Variants in DUSP19 observed in about 807,000 individuals in gnomAD.
DUSP19 encodes dual specificity phosphatase 19.
A neutral mutation model predicts 16.6 loss-of-function variants in DUSP19; 14 were observed. The observed-to-expected ratio is 0.84, with a 90% CI of 0.56 to 1.32. The LOEUF (loss-of-function observed/expected upper bound fraction) is 1.32. Among genes scored for constraint, DUSP19 ranks in the 40% most tolerant of loss-of-function variants. The pLI, the probability that DUSP19 is intolerant of heterozygous loss-of-function variation, is 0.00. For synonymous variants in DUSP19, 81 were observed against 90.5 expected (o/e 0.90, Z 0.59); for missense variants, 258 against 255.9 (o/e 1.01, Z -0.06).
At position 183,099,134 on chromosome 2, in the gene DUSP19, A is replaced by T. The variant is rs965585389; in HGVS notation, c.*3476A>T. 3 of 152,074 alleles carry T rather than the reference A, an allele frequency of 2.0e-5. No homozygotes were observed. Among genetic ancestry groups the T allele is most frequent in the African/African-American group, 4.8e-5 (2 of 41,390 alleles). The allele number at this position is 152,074 out of a possible 1,614,324, so 9.4% of individuals were successfully genotyped here. On this transcript the variant is annotated 3_prime_UTR_variant, in exon 4 of 4. Transcript: ENST00000354221. The stretch of plus-strand genomic sequence containing the variant: ...GTCAGCATGATTATTTGTAACTCAG[A>T]TTGTTCAAATGTATATAGAAGGTCC...
chr2:183,088,430 G>A (rs528071057), intron 3 of DUSP19, among the ~76,000 whole-genome samples: 2 of 107,040 alleles, frequency 1.9e-5, no homozygotes, highest in African/African-American at 3.6e-5. Context: ...TTTTTGAGAT[G>A]CAGTCTCACT....
At chr2:183,083,190 A>G (rs751288221) in intron 1 of DUSP19, among the ~76,000 whole-genome samples, 31 of 152,094 alleles carry the variant, frequency 2.0e-4, no homozygotes, top group Non-Finnish European at 4.0e-4. Context: ...TTTTTTATTT[A>G]ATGCAACAGC....
chr2:183,083,707 C>T (rs916819816), intron 2 of DUSP19, among the ~76,000 whole-genome samples, 153 bp downstream of exon 2: 9 of 152,180 alleles, frequency 5.9e-5, no homozygotes, highest in African/African-American at 2.2e-4. Context: ...ATAATTGGCA[C>T]ATAATTCAAA....
rs1047760748 is a variant in DUSP19, at chr2:183,099,490, G to A, written c.*3832G>A. 6.6e-6 allele frequency: 1 copy of A among 152,084 alleles called. No homozygotes were observed. Among genetic ancestry groups the A allele is most frequent in the Admixed American group, 6.5e-5 (1 of 15,270 alleles). 9.4% of individuals were successfully genotyped at this position (152,084 alleles called of 1,614,324 possible). On this transcript the variant is annotated 3_prime_UTR_variant, in exon 4 of 4. Transcript: ENST00000354221. ...AAACTTATGGTTTGTTTCAATTGAT[G>A]CACACAAAAAATAACTTATAGTTAG...
chr2:183,088,737 T>C (rs2705736), intron 3 of DUSP19, among the ~76,000 whole-genome samples: 150,301 of 152,294 alleles, frequency 0.99, 74,199 homozygotes, highest in Middle Eastern at 1. Flanking sequence ...GAGAGGTTTT[T>C]TAATTCAAAG....
chr2:183,088,396 T>TG (rs1293062631), intron 3 of DUSP19, among the ~76,000 whole-genome samples: 7 of 145,986 alleles, frequency 4.8e-5, no homozygotes, highest in South Asian at 2.2e-4. Context: ...TTGTTTTTTG[T>TG]GTTTTTTTTT....
rs949929283 is a variant in DUSP19 at position 183,099,310 on chromosome 2, A to G, written c.*3652A>G. ...AAAACAACAGAAATGTGGCATGATT[A>G]CTTATTTATTTGTTCCAGGTGACTC... On this transcript the variant is annotated 3_prime_UTR_variant, in exon 4 of 4. Transcript: ENST00000354221. The G allele has an allele frequency of 6.6e-6, 1 of 152,194 alleles. No homozygotes were observed. Among genetic ancestry groups the G allele is most frequent in the Non-Finnish European group, 1.5e-5 (1 of 68,024 alleles). The allele number at this position is 152,194 out of a possible 1,614,324, so 9.4% of individuals were successfully genotyped here.
At position 183,095,419 on chromosome 2, in the gene DUSP19, T is replaced by G. The variant is rs186460064; in HGVS notation, c.427-12T>G. ...GAATAATGAAGATTTTTGTTTGTTTTTTTTTTTGTAGGATGGAGTGGTTCT... is the reference window on the plus strand; with the variant it reads ...GAATAATGAAGATTTTTGTTTGTTTGTTTTTTTGTAGGATGGAGTGGTTCT... On this transcript the variant is annotated splice_polypyrimidine_tract_variant and intron_variant, in intron 3 of 3. Transcript: ENST00000354221. 10,914 of 1,572,602 alleles carry G rather than the reference T, an allele frequency of 6.9e-3. 55 individuals are homozygous for G. The highest frequency in any genetic ancestry group is 8.6e-3 in the Non-Finnish European group (9,980 of 1,162,344).
chr2:183,085,862 T>TG (rs1375601967), intron 2 of DUSP19, among the ~76,000 whole-genome samples: 3 of 120,056 alleles, frequency 2.5e-5, no homozygotes, highest in Non-Finnish European at 5.4e-5. Context: ...TTTTTTTTTT[T>TG]TTTTTTTTTT....
chr2:183,079,403 G>A (rs113873861), intron 1 of DUSP19, among the ~76,000 whole-genome samples: 58 of 151,994 alleles, frequency 3.8e-4, no homozygotes, highest in Non-Finnish European at 7.1e-4. Context: ...TTTTAGAAAA[G>A]CTTTCTTCCC....
In DUSP19 at chr2:183,083,689, G is replaced by A; in HGVS notation, c.273+135G>A. On this transcript the variant is annotated intron_variant, in intron 2 of 3. Transcript: ENST00000354221. The stretch of plus-strand genomic sequence containing the variant: ...ACATTTTGGCTATCATTTCAATAGA[G>A]TTGAAAAATAATTGGCACATAATTC... 4.8e-6 allele frequency: 3 copies of A among 625,722 alleles called. 1 individual carries two copies. Among genetic ancestry groups the A allele is most frequent in the Non-Finnish European group, 2.5e-6 (1 of 393,042 alleles). The allele number at this position is 625,722 out of a possible 1,614,324, so 38.8% of individuals were successfully genotyped here.
chr2:183,079,506 ATGTT>A (rs1699565315), intron 1 of DUSP19, among the ~76,000 whole-genome samples: 2 of 152,332 alleles, frequency 1.3e-5, no homozygotes, highest in South Asian at 2.1e-4. Flanking sequence ...TGAAAAAAGA[ATGTT>A]TGTATCAGGC....
In DUSP19 at chr2:183,095,845, CTTTG is replaced by C; in HGVS notation, c.*190_*193del. 2.4e-6 allele frequency: 1 copy of C among 418,474 alleles called. No individual in the cohort carries two copies. 25.9% of individuals were successfully genotyped at this position (418,474 alleles called of 1,614,324 possible). On this transcript the variant is annotated 3_prime_UTR_variant, in exon 4 of 4. Coordinates refer to ENST00000354221, the MANE Select transcript of DUSP19 (RefSeq NM_080876.4). ...TAAATTTCAAATGTCATTACTTTCTCTTTGTTATTATAATGTGTGATTAAATGCT... is the reference window on the plus strand; with the variant it reads ...TAAATTTCAAATGTCATTACTTTCTCTTATTATAATGTGTGATTAAATGCT...
chr2:183,095,356 A>G (rs559925578), intron 3 of DUSP19, 75 bp from the exon 4 acceptor site: 319 of 1,175,598 alleles, frequency 2.7e-4, no homozygotes, highest in Non-Finnish European at 3.7e-4. Context: ...TTCAAGTAGT[A>G]TAAGAATGTG....
chr2:183,090,389 T>C (rs1215915708), intron 3 of DUSP19, among the ~76,000 whole-genome samples: 1 of 152,202 alleles, frequency 6.6e-6, no homozygotes, highest in Non-Finnish European at 1.5e-5. Flanking sequence ...AGAAGAACAG[T>C]AATGGTAACT....
At chr2:183,093,853 T>C (rs1428141771) in intron 3 of DUSP19, among the ~76,000 whole-genome samples, 1 of 152,194 alleles carries the variant, frequency 6.6e-6, no homozygotes, top group Non-Finnish European at 1.5e-5. Flanking sequence ...ATTAAGGTTA[T>C]GATTGCAAGT....
At chr2:183,084,743 A>C (rs1007014667) in intron 2 of DUSP19, among the ~76,000 whole-genome samples, 2 of 152,212 alleles carry the variant, frequency 1.3e-5, no homozygotes, top group African/African-American at 4.8e-5. Context: ...AGCAGTGTGG[A>C]AAATCGATTG....
intron 3 of DUSP19, among the ~76,000 whole-genome samples, chr2:183,087,747 T>A (rs976146774): frequency 5.3e-5 from 8 of 152,220 alleles, no homozygotes; most frequent in Admixed American, 4.6e-4. Context: ...ACAGACTTTA[T>A]GTAAGATACG....
At chr2:183,092,160 A>T (rs1397473920) in intron 3 of DUSP19, among the ~76,000 whole-genome samples, 1 of 152,042 alleles carries the variant, frequency 6.6e-6, no homozygotes, top group African/African-American at 2.4e-5. Flanking sequence ...GTGACAATTG[A>T]TTTTCATTCC....
Sources: allele counts gnomAD v4.1 joint callset (sites outside exome capture counted in the v4.1 genomes callset), GRCh38; gene constraint gnomAD v4.1.1; transcripts MANE v1.5; gene names NCBI Gene and HGNC (gene_info 2026-07-23, HGNC 2026-07-21).